Variants in SGSM1 observed in about 807,000 individuals in gnomAD.
SGSM1 encodes the protein RUN and TBC1 domain containing 2.
SGSM1 carries 73 observed loss-of-function variants against 133.8 expected under a neutral mutation model. That is an observed-to-expected ratio of 0.55 (90% confidence interval 0.45 to 0.66). The LOEUF (loss-of-function observed/expected upper bound fraction) is 0.66. Ranked by LOEUF, SGSM1 falls within the 30% of genes least tolerant of loss-of-function variation. SGSM1 has a pLI of 0.00. For missense variants in SGSM1, 1,213 were observed against 1,448.1 expected, an observed-to-expected ratio of 0.84 and a Z score of 2.64; for synonymous variants, 563 against 573.0, an observed-to-expected ratio of 0.98 and a Z score of 0.25.
intron 2 of SGSM1, among the ~76,000 whole-genome samples, chr22:24,818,110 T>C (rs1019325766): frequency 2.0e-5 from 3 of 151,124 alleles, no homozygotes; most frequent in Admixed American, 2.0e-4. Flanking sequence ...TGGGCGCCTG[T>C]AATCCCAGCT....
intron 7 of SGSM1, 26 bp downstream of exon 7, chr22:24,855,456 TG>T (rs1569149412): frequency 2.5e-6 from 4 of 1,613,194 alleles, no homozygotes; most frequent in Non-Finnish European, 3.4e-6. Context: ...AGTGGGGCAG[TG>T]GGAGGGACCT....
chr22:24,860,922 A>AATATATATATATAT (rs1555926665), intron 9 of SGSM1, among the ~76,000 whole-genome samples: 40 of 37,592 alleles, frequency 1.1e-3, no homozygotes, highest in African/African-American at 3.7e-3. Context: ...AAAAAAAAAA[A>AATATATATATATAT]ATATATATAT....
chr22:24,879,220 C>T lies in SGSM1; in HGVS notation c.1431-242C>T, dbSNP rs117079282. On this transcript the variant is annotated intron_variant, in intron 13 of 24. Coordinates refer to ENST00000400358, the MANE Select transcript of SGSM1 (RefSeq NM_001098497.3). ...ACCTGAGTCCTGTAGTGGGCAGAGT[C>T]ATCCACATACAAACCACACAGACAG... Among the ~76,000 whole-genome samples, 172 of 152,320 alleles carry T rather than the reference C, an allele frequency of 1.1e-3. No individual in the cohort carries two copies. The East Asian group carries it at 0.026, about 23-fold the overall frequency.
chr22:24,876,877 A>G (rs965782232), intron 13 of SGSM1, among the ~76,000 whole-genome samples, 162 bp downstream of exon 13: 1 of 152,240 alleles, frequency 6.6e-6, no homozygotes, highest in Non-Finnish European at 1.5e-5. Flanking sequence ...GTTAGAGGTT[A>G]CATGTAATAG....
intron 2 of SGSM1, among the ~76,000 whole-genome samples, chr22:24,822,088 CTT>C (rs71320790): frequency 4.2e-5 from 4 of 96,124 alleles, no homozygotes; most frequent in African/African-American, 7.6e-5. Flanking sequence ...TCATCTCTCT[CTT>C]TTTTTTTTTT....
At chr22:24,835,186 G>A (rs1024697207) in intron 2 of SGSM1, among the ~76,000 whole-genome samples, 2 of 152,074 alleles carry the variant, frequency 1.3e-5, no homozygotes, top group Non-Finnish European at 2.9e-5. Flanking sequence ...CAGGGAGGTG[G>A]GATGCACAGA....
At chr22:24,807,380 A>G (rs779692937) in intron 2 of SGSM1, among the ~76,000 whole-genome samples, 1 of 151,848 alleles carries the variant, frequency 6.6e-6, no homozygotes, top group Non-Finnish European at 1.5e-5. Context: ...ACACGTATCT[A>G]TGTGTGTCTT....
intron 12 of SGSM1, among the ~76,000 whole-genome samples, chr22:24,871,754 G>A (rs995354545): frequency 2.6e-5 from 4 of 152,142 alleles, no homozygotes; most frequent in Non-Finnish European, 4.4e-5. Flanking sequence ...GGGCATTGTG[G>A]TTTCACTCCC....
chr22:24,926,966 G>C lies in SGSM1; in HGVS notation c.*2692G>C, dbSNP rs932093030. ...ATGGGGTCAGATTTTTGTAATAGCT[G>C]CCTGGCCTTTTCCCAGAAAAGGTGA... On this transcript the variant is annotated 3_prime_UTR_variant, in exon 25 of 25. Transcript: ENST00000400358. 9 of 151,908 alleles carry C rather than the reference G, an allele frequency of 5.9e-5. No homozygotes were observed. The South Asian group carries it at 1.9e-3, about 32-fold the overall frequency. The allele number at this position is 151,908 out of a possible 1,614,324, so 9.4% of individuals were successfully genotyped here.
At chr22:24,874,556 C>T in intron 12 of SGSM1, 3 of 1,607,572 alleles carry the variant, frequency 1.9e-6, no homozygotes, top group Non-Finnish European at 2.5e-6. Flanking sequence ...CTCCCCACGC[C>T]AAGCCCGAAG....
chr22:24,871,947 C>CA (rs1931786711), intron 12 of SGSM1, among the ~76,000 whole-genome samples: 1 of 152,206 alleles, frequency 6.6e-6, no homozygotes, highest in Non-Finnish European at 1.5e-5. Flanking sequence ...CAGAAGTCAA[C>CA]AAACCCCTTT....
chr22:24,845,082 C>T, intron 3 of SGSM1, 110 bp downstream of exon 3: 2 of 949,728 alleles, frequency 2.1e-6, no homozygotes, highest in Non-Finnish European at 3.3e-6. Flanking sequence ...TTTTGGATTC[C>T]AGAGGGGGAC....
intron 14 of SGSM1, among the ~76,000 whole-genome samples, chr22:24,882,429 A>T (rs902746685): frequency 6.6e-6 from 1 of 152,128 alleles, no homozygotes; most frequent in Non-Finnish European, 1.5e-5. Context: ...AGGGGTACAT[A>T]GGATATTTTG....
chr22:24,926,600 T>C lies in SGSM1; in HGVS notation c.*2326T>C, dbSNP rs774010836. 6.6e-6 allele frequency: 1 copy of C among 152,204 alleles called. No homozygotes were observed. The highest frequency in any genetic ancestry group is 1.5e-5 in the Non-Finnish European group (1 of 68,042). The allele number at this position is 152,204 out of a possible 1,614,324, so 9.4% of individuals were successfully genotyped here. A position where few individuals can be genotyped will look rare whatever the true frequency, so the allele number is the denominator to read the frequency against. On this transcript the variant is annotated 3_prime_UTR_variant, in exon 25 of 25. Transcript: ENST00000400358. ...AGCACAAAATCTCTTCTCTGCCTTCTCTTGTGATGTTCCAGAGAGCATCTG... is the reference window on the plus strand; with the variant it reads ...AGCACAAAATCTCTTCTCTGCCTTCCCTTGTGATGTTCCAGAGAGCATCTG...
At chr22:24,863,789 T>C (rs1237935993) in intron 9 of SGSM1, among the ~76,000 whole-genome samples, 1 of 150,910 alleles carries the variant, frequency 6.6e-6, no homozygotes, top group Non-Finnish European at 1.5e-5. Context: ...TGGTCCAGGC[T>C]GGAGTGAAAT....
chr22:24,817,293 T>C (rs1238233292), intron 2 of SGSM1, among the ~76,000 whole-genome samples: 1 of 152,102 alleles, frequency 6.6e-6, no homozygotes, highest in Non-Finnish European at 1.5e-5. Context: ...TGCAAATCCC[T>C]GAAGTTGTAG....
At chr22:24,865,692 T>C (rs373968410) in intron 9 of SGSM1, among the ~76,000 whole-genome samples, 21 of 151,906 alleles carry the variant, frequency 1.4e-4, no homozygotes, top group South Asian at 8.4e-4. Context: ...CAGAGATTTA[T>C]TGGGGACACA....
intron 8 of SGSM1, 142 bp from the exon 9 acceptor site, chr22:24,859,574 A>C (rs1275038360): frequency 6.9e-6 from 8 of 1,154,836 alleles, no homozygotes; most frequent in Non-Finnish European, 8.7e-6. Flanking sequence ...GAGGCTTTAG[A>C]GTCTTCCACA....
chr22:24,821,344 A>G (rs1430058452), intron 2 of SGSM1, among the ~76,000 whole-genome samples: 2 of 152,182 alleles, frequency 1.3e-5, no homozygotes, highest in Admixed American at 6.5e-5. Context: ...GCCTGAGCCG[A>G]TATCTTGATG....
Sources: allele counts gnomAD v4.1 joint callset (sites outside exome capture counted in the v4.1 genomes callset), GRCh38; gene constraint gnomAD v4.1.1; transcripts MANE v1.5; gene names NCBI Gene and HGNC (gene_info 2026-07-23, HGNC 2026-07-21).